Variants in RTTN observed in about 807,000 individuals in gnomAD.
RTTN encodes rotatin.
RTTN carries 182 observed loss-of-function variants against 269.2 expected under a neutral mutation model. The ratio of observed to expected loss-of-function variants is 0.68; its 90% confidence interval spans 0.60 to 0.76. The LOEUF is 0.76. RTTN is among the 30% of genes least tolerant of loss of function. The pLI is 0.00. For synonymous variants in RTTN, 1,006 were observed against 963.5 expected, an observed-to-expected ratio of 1.04 and a Z score of -0.82; for missense variants, 2,545 against 2,608.6, an observed-to-expected ratio of 0.98 and a Z score of 0.53.
chr18:70,174,173 GAATT>G (rs2061225355), intron 11 of RTTN, among the ~76,000 whole-genome samples: 1 of 147,658 alleles, frequency 6.8e-6, no homozygotes, highest in Admixed American at 6.8e-5. Context: ...AGCCTTTACA[GAATT>G]AATGTTTTTT....
chr18:70,127,592 T>TA lies in RTTN; in HGVS notation c.3292dup (p.Tyr1098LeufsTer5). Reference sequence around the variant, plus strand: ...TAAAGACAATCTGTCATTCAGAAGATAAAAACTCATCCTGGTGACAGCAGC... The same window carrying TA: ...TAAAGACAATCTGTCATTCAGAAGATAAAAAACTCATCCTGGTGACAGCAGC... On this transcript the variant is annotated frameshift_variant, in exon 25 of 49. Coordinates refer to ENST00000640769, the MANE Select transcript of RTTN (RefSeq NM_173630.4). LOFTEE classifies it high-confidence loss of function. 1.9e-6 allele frequency: 3 copies of TA among 1,613,474 alleles called. No individual in the cohort carries two copies. The highest frequency in any genetic ancestry group is 2.5e-6 in the Non-Finnish European group (3 of 1,179,710).
Position 70,020,796 on chromosome 18 carries a change from G to A in RTTN, c.5972C>T (p.Ser1991Leu), listed in dbSNP as rs747233341. ...FPNGCSSLCW[S>L]SCGQHPVQAT... ...TTGAACAGGGTGTTGTCCACAACTT[G>A]ACCAACAAAGAGAACTGCAACCTTC... The change falls in exon 45 of 49, where the codon TCA (serine) becomes TTA (leucine). Residue 1991 changes from serine (S) to leucine (L), a missense_variant. Transcript: ENST00000640769. 6.2e-7 allele frequency: 1 copy of A among 1,612,444 alleles called. No individual in the cohort carries two copies. Among genetic ancestry groups the A allele is most frequent in the Non-Finnish European group, 8.5e-7 (1 of 1,179,018 alleles).
intron 1 of RTTN, 149 bp from the exon 2 acceptor site, chr18:70,205,464 T>C: frequency 7.3e-7 from 1 of 1,368,426 alleles, no homozygotes; most frequent in South Asian, 1.2e-5. Context: ...AACCGCGAAG[T>C]TTACACAAAG....
At chr18:70,111,018 G>C (rs1266346018) in intron 27 of RTTN, among the ~76,000 whole-genome samples, 1 of 152,204 alleles carries the variant, frequency 6.6e-6, no homozygotes. Context: ...GATTTCCCTT[G>C]TCTGGGCAGG....
rs370480126 is a variant in RTTN, at chr18:70,024,822, G to A, written c.5850C>T (p.Val1950=). Residue 1950 remains valine, a synonymous_variant, in exon 44 of 49, where the codon GTC becomes GTT. Coordinates refer to ENST00000640769, the MANE Select transcript of RTTN (RefSeq NM_173630.4). ...AAGGCCAGAGAGAGTGCAAGACAGGGACAAGGTGAGCTTCAAGAGCTGCTT... is the reference window on the plus strand; with the variant it reads ...AAGGCCAGAGAGAGTGCAAGACAGGAACAAGGTGAGCTTCAAGAGCTGCTT... ...CKEAALEAHL[V]PVLHSLWPWI... The A allele has an allele frequency of 9.6e-5, 155 of 1,613,786 alleles. No individual in the cohort carries two copies. The highest frequency in any genetic ancestry group is 1.1e-4 in the Non-Finnish European group (124 of 1,179,892).
chr18:70,097,232 T>C (rs1291256307), intron 28 of RTTN, among the ~76,000 whole-genome samples: 1 of 152,224 alleles, frequency 6.6e-6, no homozygotes, highest in African/African-American at 2.4e-5. Context: ...CAAATACTCA[T>C]ATTCAAATTT....
intron 40 of RTTN, among the ~76,000 whole-genome samples, chr18:70,039,020 AAC>A (rs2057259997): frequency 1.3e-5 from 2 of 152,236 alleles, no homozygotes; most frequent in African/African-American, 4.8e-5. Flanking sequence ...GCTATTTGAA[AAC>A]ACAGAGTCAG....
intron 17 of RTTN, among the ~76,000 whole-genome samples, chr18:70,148,547 C>T (rs533068590): frequency 2.6e-5 from 4 of 152,302 alleles, no homozygotes; most frequent in African/African-American, 7.2e-5. Context: ...AAAAGGATCA[C>T]TCTGGAAGGC....
chr18:70,147,835 T>C (rs918457887), intron 17 of RTTN, among the ~76,000 whole-genome samples: 6 of 152,094 alleles, frequency 3.9e-5, no homozygotes, highest in Non-Finnish European at 8.8e-5. Context: ...ATGCCCCCTA[T>C]TGTGTTAATT....
At chr18:70,074,309 T>TTA (rs1430501565) in intron 33 of RTTN, among the ~76,000 whole-genome samples, 1 of 152,076 alleles carries the variant, frequency 6.6e-6, no homozygotes, top group Non-Finnish European at 1.5e-5. Context: ...GCCAATGCTG[T>TTA]TAGTTTAAGG....
rs1403115091 is a variant in RTTN at position 70,051,513 on chromosome 18, T to C, written c.5221A>G (p.Thr1741Ala). Residue 1741 changes from threonine (T) to alanine (A), a missense_variant, in exon 39 of 49, where the codon ACA becomes GCA. Thr to Ala is a moderately conservative substitution (Grantham distance 58). Coordinates refer to ENST00000640769, the MANE Select transcript of RTTN (RefSeq NM_173630.4). ...ELISAFYHTWTHLFNLLAMLL... is the reference protein window; with the variant it reads ...ELISAFYHTWAHLFNLLAMLL... ...ATGGCCAGAAGATTAAATAAATGTGTCCATGTGTGATAAAAAGCTGATATT... is the reference window on the plus strand; with the variant it reads ...ATGGCCAGAAGATTAAATAAATGTGCCCATGTGTGATAAAAAGCTGATATT... 2 of 1,610,106 alleles carry C rather than the reference T, an allele frequency of 1.2e-6. No individual in the cohort carries two copies. The highest frequency in any genetic ancestry group is 1.7e-5 in the Admixed American group (1 of 59,842).
At chr18:70,018,452 C>T (rs1387807405) in intron 45 of RTTN, among the ~76,000 whole-genome samples, 1 of 152,188 alleles carries the variant, frequency 6.6e-6, no homozygotes, top group Non-Finnish European at 1.5e-5. Flanking sequence ...AAATGAAATG[C>T]AATCACTTAA....
chr18:70,204,242 A>G lies in RTTN; in HGVS notation c.241T>C (p.Leu81=). The stretch of plus-strand genomic sequence containing the variant: ...AACTCTACTGCACCAACGTCAACCA[A>G]ATGTTGGACTGCTGGGGGATACTAA... ...LVKYPPAVQH[L]VDVGAVEFLS... is the part of the protein sequence containing the mutation. Residue 81 remains leucine, a synonymous_variant, in exon 3 of 49, where the codon TTG becomes CTG. Transcript: ENST00000640769. 1 of 1,612,082 alleles carries G rather than the reference A, an allele frequency of 6.2e-7. No homozygotes were observed. The highest frequency in any genetic ancestry group is 8.5e-7 in the Non-Finnish European group (1 of 1,179,500).
At chr18:70,012,271 G>A (rs1358032992) in intron 46 of RTTN, among the ~76,000 whole-genome samples, 1 of 150,390 alleles carries the variant, frequency 6.6e-6, no homozygotes, top group Non-Finnish European at 1.5e-5. Context: ...TGGTTAGAGG[G>A]CAGCATCTGC....
At chr18:70,188,957 T>C (rs1449123165) in intron 9 of RTTN, among the ~76,000 whole-genome samples, 1 of 152,240 alleles carries the variant, frequency 6.6e-6, no homozygotes, top group African/African-American at 2.4e-5. Flanking sequence ...CTAGAAGAGC[T>C]GGACCAAATT....
chr18:70,202,113 T>G (rs2061969171), intron 3 of RTTN, 130 bp from the exon 4 acceptor site: 9 of 565,276 alleles, frequency 1.6e-5, no homozygotes, highest in Middle Eastern at 4.3e-4. Context: ...AAGTCCAGTT[T>G]TTTTTCTGAA....
chr18:70,204,278 G>A lies in RTTN; in HGVS notation c.220-15C>T, dbSNP rs766043767. Reference sequence around the variant, plus strand: ...GCTGGGGGATACTAAAATAAGAAGAGGATGATCTTGAGAATAACTGTATCA... The same window carrying A: ...GCTGGGGGATACTAAAATAAGAAGAAGATGATCTTGAGAATAACTGTATCA... On this transcript the variant is annotated splice_polypyrimidine_tract_variant and intron_variant, in intron 2 of 48. Transcript: ENST00000640769. 19 of 1,585,598 alleles carry A rather than the reference G, an allele frequency of 1.2e-5. No individual in the cohort carries two copies. Among genetic ancestry groups the A allele is most frequent in the Admixed American group, 5.6e-5 (3 of 53,744 alleles).
chr18:70,184,708 T>TGTGTGTG (rs1346425275), intron 10 of RTTN, among the ~76,000 whole-genome samples: 47 of 58,570 alleles, frequency 8.0e-4, no homozygotes, highest in African/African-American at 3.1e-3. Context: ...AGCAGGTTTT[T>TGTGTGTG]TTTTTTTTTG....
At position 70,051,481 on chromosome 18, in the gene RTTN, C is replaced by T; in HGVS notation, c.5253G>A (p.Leu1751=). The T allele has an allele frequency of 6.2e-7, 1 of 1,613,814 alleles. No homozygotes were observed. The highest frequency in any genetic ancestry group is 8.5e-7 in the Non-Finnish European group (1 of 1,179,746). ...THLFNLLAML[L]RKAGAITLPF... ...GGAGTGTGATGGCACCAGCTTTCCT[C>T]AGGAGCATGGCCAGAAGATTAAATA... Residue 1751 remains leucine, a synonymous_variant, in exon 39 of 49, where the codon CTG becomes CTA. Coordinates refer to ENST00000640769, the MANE Select transcript of RTTN (RefSeq NM_173630.4).
Sources: allele counts gnomAD v4.1 joint callset (sites outside exome capture counted in the v4.1 genomes callset), GRCh38; gene constraint gnomAD v4.1.1; transcripts MANE v1.5; gene names NCBI Gene and HGNC (gene_info 2026-07-23, HGNC 2026-07-21).